Variants in PAPPA2 observed in about 807,000 individuals in gnomAD.
The protein encoded by PAPPA2 is pappalysin-2.
PAPPA2 carries 86 observed loss-of-function variants against 176.4 expected under a neutral mutation model. That is an observed-to-expected ratio of 0.49 (90% confidence interval 0.41 to 0.58). The LOEUF is 0.58. Ranked by LOEUF, PAPPA2 falls within the 20% of genes least tolerant of loss-of-function variation. The probability of loss-of-function intolerance (pLI) is 0.00; values close to 1 mark genes in which losing one functional copy is unlikely to be tolerated. For synonymous variants in PAPPA2, 809 were observed against 852.2 expected (o/e 0.95, Z 0.88); for missense variants, 2,073 against 2,256.9 (o/e 0.92, Z 1.65).
intron 12 of PAPPA2, among the ~76,000 whole-genome samples, chr1:176,723,919 G>T (rs933412340): frequency 1.3e-5 from 2 of 152,140 alleles, no homozygotes; most frequent in Non-Finnish European, 2.9e-5. Context: ...ATAGCCTTGT[G>T]AGTTTGGCAA....
chr1:176,599,552 GC>G (rs1461430193), intron 3 of PAPPA2, among the ~76,000 whole-genome samples: 2 of 127,504 alleles, frequency 1.6e-5, no homozygotes, highest in Non-Finnish European at 3.4e-5. Flanking sequence ...ATCTTTCAAT[GC>G]TTTTATTTAC....
intron 21 of PAPPA2, among the ~76,000 whole-genome samples, chr1:176,834,186 G>T (rs1667183258): frequency 6.6e-6 from 1 of 152,168 alleles, no homozygotes; most frequent in South Asian, 2.1e-4. Flanking sequence ...CATTCCAGAG[G>T]TTAAGCTCTA....
chr1:176,636,427 C>A (rs1271248516), intron 3 of PAPPA2, among the ~76,000 whole-genome samples: 5 of 152,110 alleles, frequency 3.3e-5, no homozygotes, highest in Admixed American at 6.6e-5. Flanking sequence ...GAGAGGATGG[C>A]TATGTCTGTT....
chr1:176,543,777 C>G (rs913659350), intron 1 of PAPPA2, among the ~76,000 whole-genome samples: 3 of 152,210 alleles, frequency 2.0e-5, no homozygotes, highest in Non-Finnish European at 4.4e-5. Flanking sequence ...GTTGTATTTT[C>G]AGCCCATTAG....
intron 16 of PAPPA2, 146 bp downstream of exon 16, chr1:176,769,930 A>G (rs1406576715): frequency 3.7e-6 from 3 of 805,648 alleles, no homozygotes; most frequent in African/African-American, 3.5e-5. Flanking sequence ...GAAAAGTCCC[A>G]AAAGGCAACA....
chr1:176,499,355 T>C (rs1647822390), intron 1 of PAPPA2, among the ~76,000 whole-genome samples: 1 of 152,236 alleles, frequency 6.6e-6, no homozygotes, highest in South Asian at 2.1e-4. Flanking sequence ...AGTCTCATTG[T>C]AGATAATAAT....
intron 1 of PAPPA2, among the ~76,000 whole-genome samples, chr1:176,473,834 TTGG>T (rs1328319028): frequency 6.6e-6 from 1 of 152,184 alleles, no homozygotes; most frequent in Non-Finnish European, 1.5e-5. Flanking sequence ...TCTATCTTCT[TTGG>T]TGAGGTTTCT....
At chr1:176,840,355 G>A in intron 22 of PAPPA2, 84 bp downstream of exon 22, 2 of 1,051,658 alleles carry the variant, frequency 1.9e-6, no homozygotes. Context: ...TTCATGGTGT[G>A]TAATAATGGG....
At chr1:176,758,816 A>G (rs550170579) in intron 14 of PAPPA2, among the ~76,000 whole-genome samples, 2 of 152,130 alleles carry the variant, frequency 1.3e-5, no homozygotes, top group Admixed American at 6.5e-5. Flanking sequence ...TCTCTACCAC[A>G]TCCTGCCTGT....
chr1:176,557,299 G>T, intron 2 of PAPPA2, 58 bp downstream of exon 2: 2 of 1,493,008 alleles, frequency 1.3e-6, no homozygotes, highest in South Asian at 2.6e-5. Flanking sequence ...CTTTATTTCT[G>T]ACGGGTTAGA....
At chr1:176,624,639 C>T (rs1432351257) in intron 3 of PAPPA2, among the ~76,000 whole-genome samples, 2 of 152,142 alleles carry the variant, frequency 1.3e-5, no homozygotes, top group African/African-American at 4.8e-5. Context: ...AGAAGTCATT[C>T]CTTCCTGCTG....
intron 12 of PAPPA2, among the ~76,000 whole-genome samples, chr1:176,735,683 TCTA>T (rs1662368715): frequency 4.6e-5 from 1 of 21,608 alleles, no homozygotes; most frequent in Non-Finnish European, 9.9e-5. Flanking sequence ...TCAGAATCTA[TCTA>T]TCTATCTATC....
At chr1:176,667,204 C>T (rs1159649098) in intron 3 of PAPPA2, among the ~76,000 whole-genome samples, 2 of 151,742 alleles carry the variant, frequency 1.3e-5, no homozygotes, top group East Asian at 3.9e-4. Context: ...TGAGATCACG[C>T]CACTGAACTC....
intron 1 of PAPPA2, among the ~76,000 whole-genome samples, chr1:176,498,248 G>A (rs1384667223): frequency 1.3e-5 from 2 of 151,890 alleles, no homozygotes; most frequent in African/African-American, 2.4e-5. Context: ...TTTTCCTCGG[G>A]GCATAGCACT....
In PAPPA2 at chr1:176,702,722, G is replaced by A; in HGVS notation, c.3352G>A (p.Gly1118Arg). ...HIHGAPYCGDGKVSERLGEEC... is the reference protein window; with the variant it reads ...HIHGAPYCGDRKVSERLGEEC... ...TCATGGAGCTCCTTATTGTGGAGAT[G>A]GGAAGGTGTCAGAGTGAGTATTTTG... The change falls in exon 9 of 23, where the codon GGG becomes AGG. Residue 1118 changes from glycine (G) to arginine (R), a missense_variant. Coordinates refer to ENST00000367662, the MANE Select transcript of PAPPA2 (RefSeq NM_020318.3). The A allele has an allele frequency of 1.2e-6, 2 of 1,611,728 alleles. No individual in the cohort carries two copies. Among genetic ancestry groups the A allele is most frequent in the Non-Finnish European group, 1.7e-6 (2 of 1,178,860 alleles).
At chr1:176,485,200 T>G (rs1427046788) in intron 1 of PAPPA2, among the ~76,000 whole-genome samples, 1 of 152,180 alleles carries the variant, frequency 6.6e-6, no homozygotes, top group Non-Finnish European at 1.5e-5. Flanking sequence ...AAATATAAGA[T>G]AGATTACATC....
chr1:176,779,512 ACACACACAG>A (rs1553202400), intron 17 of PAPPA2, among the ~76,000 whole-genome samples: 1 of 120,160 alleles, frequency 8.3e-6, no homozygotes, highest in Non-Finnish European at 2.1e-5. Flanking sequence ...ACACACACAC[ACACACACAG>A]AGAGAGAGAG....
At chr1:176,805,622 A>T (rs991537437) in intron 21 of PAPPA2, among the ~76,000 whole-genome samples, 1 of 152,214 alleles carries the variant, frequency 6.6e-6, no homozygotes, top group African/African-American at 2.4e-5. Context: ...ATAACGTACT[A>T]GCAGTGATAC....
chr1:176,470,358 C>G (rs1170735139), intron 1 of PAPPA2, among the ~76,000 whole-genome samples: 1 of 152,216 alleles, frequency 6.6e-6, no homozygotes, highest in African/African-American at 2.4e-5. Context: ...ATTCTCACCT[C>G]TGTCTTCACC....
Sources: gnomAD v4.1 joint callset for allele counts (sites outside exome capture counted in the v4.1 genomes callset) on GRCh38, gnomAD v4.1.1 for gene constraint, MANE v1.5 for transcripts, NCBI Gene and HGNC (gene_info 2026-07-23, HGNC 2026-07-21) for gene names.